The following TTN variants were observed in gnomAD, a reference collection of about 807,000 sequenced individuals.
TTN encodes titin.
A neutral mutation model predicts 3,223.0 loss-of-function variants in TTN; 1,525 were observed. That is an observed-to-expected ratio of 0.47 (90% CI 0.45 to 0.49). TTN has a LOEUF of 0.49. Among genes scored for constraint, TTN ranks in the 20% least tolerant of loss-of-function variants. The pLI, the probability that TTN is intolerant of heterozygous loss-of-function variation, is 0.00. For missense variants in TTN, 40,786 were observed against 43,424.0 expected, an observed-to-expected ratio of 0.94 and a Z score of 5.40; for synonymous variants, 14,094 against 15,161.0, an observed-to-expected ratio of 0.93 and a Z score of 5.17.
At chr2:178,683,466 T>C (rs925319830) in intron 133 of TTN, among the ~76,000 whole-genome samples, 175 bp from the exon 134 acceptor site, 1 of 152,032 alleles carries the variant, frequency 6.6e-6, no homozygotes, top group African/African-American at 2.4e-5. Flanking sequence ...CTAATATACA[T>C]ATGAAGTACG....
At position 178,714,189 on chromosome 2, in the gene TTN, T is replaced by G; in HGVS notation, c.26483-14A>C. On this transcript the variant is annotated splice_polypyrimidine_tract_variant and intron_variant, in intron 91 of 362. Transcript: ENST00000589042. ...TTGTTGCAGGCTCTGGAATGAAATG[T>G]AAAAGATATCCATATTTTAAACTCA... is the stretch of plus-strand genomic sequence containing the variant. 1 of 1,600,044 alleles carries G rather than the reference T, an allele frequency of 6.2e-7. No individual in the cohort carries two copies. Among genetic ancestry groups the G allele is most frequent in the Non-Finnish European group, 8.5e-7 (1 of 1,174,290 alleles).
Position 178,684,037 on chromosome 2 carries a change from T to G in TTN, c.32768A>C (p.Lys10923Thr). 2 of 1,612,272 alleles carry G rather than the reference T, an allele frequency of 1.2e-6. No individual in the cohort carries two copies. The highest frequency in any genetic ancestry group is 1.7e-6 in the Non-Finnish European group (2 of 1,179,042). Residue 10923 changes from lysine to threonine, a missense_variant, in exon 133 of 363, where the codon AAA becomes ACA. Physicochemically the swap from Lys to Thr is moderately conservative, Grantham distance 78. Coordinates refer to ENST00000589042, the MANE Select transcript of TTN (RefSeq NM_001267550.2). The stretch of plus-strand genomic sequence containing the variant: ...TTCCTCCTCTCTTTTAGGTTTGAGT[T>G]TCAGAACTTTTTCTTCTGGGACAGC... The part of the protein sequence containing the change: ...KRAVPEEKVL[K>T]LKPKREEEPP...
At chr2:178,780,474 T>C (rs2154348480) in intron 21 of TTN, among the ~76,000 whole-genome samples, 1 of 152,336 alleles carries the variant, frequency 6.6e-6, no homozygotes, top group South Asian at 2.1e-4. Flanking sequence ...CTTCCTAATT[T>C]GCTGTGTGTC....
chr2:178,678,838 G>A lies in TTN; in HGVS notation c.33743-8C>T. 6.3e-7 allele frequency: 1 copy of A among 1,585,082 alleles called. No individual in the cohort carries two copies. On this transcript the variant is annotated splice_region_variant and splice_polypyrimidine_tract_variant and intron_variant, in intron 142 of 362. Coordinates refer to ENST00000589042, the MANE Select transcript of TTN (RefSeq NM_001267550.2). ...TCTTGGGCACTTCAGGAACTTCAAAGATATCAAATAGAGTTAGTGTCACAT... is the reference window on the plus strand; with the variant it reads ...TCTTGGGCACTTCAGGAACTTCAAAAATATCAAATAGAGTTAGTGTCACAT...
chr2:178,547,652 G>A lies in TTN; in HGVS notation c.93974C>T (p.Ser31325Leu), dbSNP rs143679526. 8.7e-6 allele frequency: 14 copies of A among 1,613,832 alleles called. No individual in the cohort carries two copies. Among genetic ancestry groups the A allele is most frequent in the African/African-American group, 6.7e-5 (5 of 75,004 alleles). The stretch of plus-strand genomic sequence containing the variant: ...AGGTTCTCCCCATGACAGGACACAC[G>A]ATTCAGCTGAGACAGATGAGACCTC... ...PIEVSSVSAE[S>L]CVLSWGEPKD... is the part of the protein sequence containing the mutation. The change falls in exon 339 of 363, where the codon TCG becomes TTG. Residue 31325 changes from serine to leucine, a missense_variant. By Grantham distance (145) the Ser-to-Leu change is moderately radical. Coordinates refer to ENST00000589042, the MANE Select transcript of TTN (RefSeq NM_001267550.2).
chr2:178,604,552 CT>C (rs1173917368), intron 281 of TTN, among the ~76,000 whole-genome samples, 155 bp downstream of exon 281: 1 of 151,904 alleles, frequency 6.6e-6, no homozygotes, highest in African/African-American at 2.4e-5. Flanking sequence ...ACTAAGGAGC[CT>C]TATGTGTGTG....
chr2:178,585,619 T>A lies in TTN; in HGVS notation c.64397-272A>T, dbSNP rs577774666. ...CCTCCCAACCCCTGACAGGCCCCAG[T>A]GTGTGATGCTCCCCTCCCTGTGTCC... On this transcript the variant is annotated intron_variant, in intron 308 of 362. Transcript: ENST00000589042. 4.6e-5 allele frequency among the ~76,000 whole-genome samples: 7 copies of A among 152,124 alleles called. No individual in the cohort carries two copies. The East Asian group carries it at 1.4e-3, about 30-fold the overall frequency.
At position 178,718,200 on chromosome 2, in the gene TTN, G is replaced by A. The variant is rs960099770; in HGVS notation, c.24806C>T (p.Pro8269Leu). ...SVLEPPYFIE[P>L]LEHVEAVIGE... Reference sequence around the variant, plus strand: ...AATGACTGCTTCCACATGTTCCAGAGGTTCAATAAAGTACGGTGGTTCTAT... The same window carrying A: ...AATGACTGCTTCCACATGTTCCAGAAGTTCAATAAAGTACGGTGGTTCTAT... The change falls in exon 86 of 363, where the codon CCT becomes CTT. Residue 8269 changes from proline to leucine, a missense_variant. Physicochemically the swap from Pro to Leu is moderately conservative, Grantham distance 98 (BLOSUM62 -3). Coordinates refer to ENST00000589042, the MANE Select transcript of TTN (RefSeq NM_001267550.2). 1 of 1,602,098 alleles carries A rather than the reference G, an allele frequency of 6.2e-7. No individual in the cohort carries two copies.
rs1687892522 is a variant in TTN, at chr2:178,529,206, A to G, written c.106545T>C (p.Thr35515=). The change falls in exon 360 of 363, where the codon ACT becomes ACC. Residue 35515 remains threonine, a synonymous_variant. Coordinates refer to ENST00000589042, the MANE Select transcript of TTN (RefSeq NM_001267550.2). Reference sequence around the variant, plus strand: ...TTTGTGTAGAGACTTTCTGTGCCTCAGTATCTTTTATAGCTAAAAAAGAAA... The same window carrying G: ...TTTGTGTAGAGACTTTCTGTGCCTCGGTATCTTTTATAGCTAAAAAAGAAA... ...CKLTIKAIKD[T]EAQKVSTQKT... 4 of 1,481,474 alleles carry G rather than the reference A, an allele frequency of 2.7e-6. No homozygotes were observed. Among genetic ancestry groups the G allele is most frequent in the Non-Finnish European group, 3.6e-6 (4 of 1,119,646 alleles). 91.8% of individuals were successfully genotyped at this position (1,481,474 alleles called of 1,614,324 possible). A position where few individuals can be genotyped will look rare whatever the true frequency, so the allele number is the denominator to read the frequency against.
chr2:178,692,951 T>A (rs993904010), intron 119 of TTN, among the ~76,000 whole-genome samples: 4 of 152,102 alleles, frequency 2.6e-5, no homozygotes, highest in African/African-American at 9.7e-5. Flanking sequence ...TTTTTTTGTG[T>A]CTTAAATGTT....
chr2:178,797,640 T>TATATACTGTACA (rs2093840129), intron 6 of TTN, among the ~76,000 whole-genome samples: 1 of 152,176 alleles, frequency 6.6e-6, no homozygotes, highest in African/African-American at 2.4e-5. Flanking sequence ...ATACTGTTTC[T>TATATACTGTACA]AGGCTGGTGT....
Position 178,776,062 on chromosome 2 carries a change from A to G in TTN, c.5802T>C (p.Asp1934=), listed in dbSNP as rs1489067798. The G allele has an allele frequency of 6.2e-7, 1 of 1,614,144 alleles. No individual in the cohort carries two copies. Among genetic ancestry groups the G allele is most frequent in the South Asian group, 1.1e-5 (1 of 91,078 alleles). ...KVKLEIQQRE[D]FRSVLRRAPE... The stretch of plus-strand genomic sequence containing the variant: ...GAGCTCTCCTAAGGACAGACCTAAA[A>G]TCTTCCCTCTGTTGAATCTCAAGCT... The change falls in exon 28 of 363, where the codon GAT becomes GAC. Residue 1934 remains aspartate (D), a synonymous_variant. Coordinates refer to ENST00000589042, the MANE Select transcript of TTN (RefSeq NM_001267550.2).
chr2:178,667,077 G>T (rs574829089), intron 162 of TTN, among the ~76,000 whole-genome samples, 159 bp downstream of exon 162: 2 of 151,982 alleles, frequency 1.3e-5, no homozygotes, highest in African/African-American at 4.8e-5. Flanking sequence ...CTTTCTTGGG[G>T]GCAAGTCATA....
Position 178,554,846 on chromosome 2 carries a change from G to C in TTN, c.88594+19C>G. On this transcript the variant is annotated intron_variant, in intron 331 of 362. Transcript: ENST00000589042. ...TTTAGGCAAATGTAATATGACAGTG[G>C]TCTGTATTCAGCACCTACCAAGGAT... 1 of 1,613,638 alleles carries C rather than the reference G, an allele frequency of 6.2e-7. No homozygotes were observed. Among genetic ancestry groups the C allele is most frequent in the Non-Finnish European group, 8.5e-7 (1 of 1,179,768 alleles).
At position 178,679,865 on chromosome 2, in the gene TTN, C is replaced by T. The variant is rs752609904; in HGVS notation, c.33580+29G>A. On this transcript the variant is annotated intron_variant, in intron 140 of 362. Transcript: ENST00000589042. ...CCCCCAAACTCCAAAGATGCTGTTG[C>T]ACAGCCCTTTGCAGGAGGCATCATC... 5.0e-6 allele frequency: 8 copies of T among 1,610,568 alleles called. No homozygotes were observed. The Admixed American group carries it at 1.3e-4, about 27-fold the overall frequency.
chr2:178,538,702 T>C lies in TTN; in HGVS notation c.99127A>G (p.Ser33043Gly). ...TCCTTATTGCTCTTCTTCCAGGCAC[T>C]GTCTCCAGACTGTCTATATTCAACC... ...YWVEYRQSGDSAWKKSNKERI... is the reference protein window; with the variant it reads ...YWVEYRQSGDGAWKKSNKERI... Residue 33043 changes from serine (S) to glycine (G), a missense_variant, in exon 354 of 363, where the codon AGT (serine) becomes GGT (glycine). Transcript: ENST00000589042. 2.5e-6 allele frequency: 4 copies of C among 1,613,834 alleles called. No individual in the cohort carries two copies. The highest frequency in any genetic ancestry group is 3.3e-5 in the Admixed American group (2 of 60,022).
In TTN at chr2:178,572,138, G is replaced by A. The variant is rs144398602; in HGVS notation, c.73994C>T (p.Thr24665Met). Residue 24665 changes from threonine (T) to methionine (M), a missense_variant, in exon 326 of 363, where the codon ACG (threonine) becomes ATG (methionine). By Grantham distance (81) the Thr-to-Met change is moderately conservative. Transcript: ENST00000589042. ...MQTKGSDKWA[T>M]CATVKVTEAT... is the part of the protein sequence containing the mutation. ...TTCAGTGACCTTGACTGTGGCACAC[G>A]TGGCCCATTTGTCACTGCCTTTGGT... 164 of 1,613,324 alleles carry A rather than the reference G, an allele frequency of 1.0e-4. 1 individual carries two copies. Among genetic ancestry groups the A allele is most frequent in the East Asian group, 8.9e-4 (40 of 44,710 alleles).
In TTN at chr2:178,778,405, G is replaced by C. The variant is rs192194130; in HGVS notation, c.4209-430C>G. 1.1e-5 allele frequency: 3 copies of C among 264,280 alleles called. 1 individual carries two copies. In the East Asian group the frequency reaches 3.0e-4, roughly 27 times the overall value. The allele number at this position is 264,280 out of a possible 1,614,324, so 16.4% of individuals were successfully genotyped here. A position where few individuals can be genotyped will look rare whatever the true frequency, so the allele number is the denominator to read the frequency against. ...TCTCAGAGGAGGAAAACATAGAAAT[G>C]AATTTGGAAACAAAACAAAGCAAAA... is the stretch of plus-strand genomic sequence containing the variant. On this transcript the variant is annotated intron_variant, in intron 24 of 362. Transcript: ENST00000589042.
chr2:178,795,370 T>C, intron 6 of TTN, 118 bp from the exon 7 acceptor site: 3 of 898,526 alleles, frequency 3.3e-6, no homozygotes, highest in African/African-American at 1.6e-5. Flanking sequence ...TGTGCCTCCA[T>C]AACCCATTCA....
Sources: allele counts gnomAD v4.1 joint callset (sites outside exome capture counted in the v4.1 genomes callset), GRCh38; gene constraint gnomAD v4.1.1; transcripts MANE v1.5; gene names NCBI Gene and HGNC (gene_info 2026-07-23, HGNC 2026-07-21).